WDR87: variants seen among roughly 807,000 people sequenced by gnomAD.
The protein encoded by WDR87 is WD repeat domain 87.
In WDR87, 56 loss-of-function variants were observed where a neutral mutation model predicts 83.3. The observed-to-expected ratio is 0.67, with a 90% CI of 0.54 to 0.84. The LOEUF is 0.84. Among genes scored for constraint, WDR87 ranks in the 40% least tolerant of loss-of-function variants. The pLI is 0.00. For synonymous variants in WDR87, 1,173 were observed against 1,250.6 expected (o/e 0.94, Z 1.31); for missense variants, 2,939 against 3,431.9 (o/e 0.86, Z 3.59).
At chr19:37,906,318 T>C (rs2046328452) in intron 1 of WDR87, among the ~76,000 whole-genome samples, 181 bp downstream of exon 1, 1 of 152,142 alleles carries the variant, frequency 6.6e-6, no homozygotes, top group Admixed American at 6.5e-5. Context: ...AACAAAAGAA[T>C]GCAAGATAAC....
rs1247419626 is a variant in WDR87, at chr19:37,885,100, A to C, written c.8571T>G (p.Pro2857=). The change falls in exon 6 of 6, where the codon CCT becomes CCG. Residue 2857 remains proline (P), a synonymous_variant. Transcript: ENST00000447313. ...GGGGTACCGCACCCTGGAACTCCTG[A>C]GGACTTCTAGGAGTATGAGAACTGC... ...FCGSSHTPRS[P]QEFQGAVPLP... 1 of 1,462,422 alleles carries C rather than the reference A, an allele frequency of 6.8e-7. No homozygotes were observed. The highest frequency in any genetic ancestry group is 9.0e-7 in the Non-Finnish European group (1 of 1,107,046). The allele number at this position is 1,462,422 out of a possible 1,614,324, so 90.6% of individuals were successfully genotyped here.
Position 37,888,091 on chromosome 19 carries a change from G to A in WDR87, c.5580C>T (p.Asn1860=), listed in dbSNP as rs1207179044. 14 of 1,551,674 alleles carry A rather than the reference G, an allele frequency of 9.0e-6. No individual in the cohort carries two copies. The highest frequency in any genetic ancestry group is 1.2e-5 in the Non-Finnish European group (14 of 1,147,058). The change falls in exon 6 of 6, where the codon AAC becomes AAT. Residue 1860 remains asparagine, a synonymous_variant. Transcript: ENST00000447313. ...KLAQKRERWI[N]SMEELTKNKM... is the part of the protein sequence containing the mutation. ...TGTTCTTTGTGAGTTCTTCCATGCT[G>A]TTGATCCATCTTTCCCTTTTTTGGG... is the stretch of plus-strand genomic sequence containing the variant.
rs569630275 is a variant in WDR87 at position 37,894,119 on chromosome 19, A to G, written c.1584T>C (p.Tyr528=). ...GGQGNSLLCS[Y]GMDDYVHLSE... is the part of the protein sequence containing the mutation. Reference sequence around the variant, plus strand: ...ACAGGTGCACATAGTCATCCATTCCATAGGAACAGAGCAGAGAGTTTCCTT... The same window carrying G: ...ACAGGTGCACATAGTCATCCATTCCGTAGGAACAGAGCAGAGAGTTTCCTT... The change falls in exon 4 of 6, where the codon TAT becomes TAC. Residue 528 remains tyrosine, a synonymous_variant. Coordinates refer to ENST00000447313, the MANE Select transcript of WDR87 (RefSeq NM_001291088.2). 1.3e-6 allele frequency: 2 copies of G among 1,552,342 alleles called. No individual in the cohort carries two copies. The highest frequency in any genetic ancestry group is 2.0e-5 in the Admixed American group (1 of 51,010).
At position 37,886,155 on chromosome 19, in the gene WDR87, T is replaced by C; in HGVS notation, c.7516A>G (p.Met2506Val). The C allele has an allele frequency of 6.4e-7, 1 of 1,551,740 alleles. No homozygotes were observed. Among genetic ancestry groups the C allele is most frequent in the Non-Finnish European group, 8.7e-7 (1 of 1,146,998 alleles). ...ACGGTCCTCCTTAATATGTGGGACA[T>C]AAATGGGGTCTTTAAGTCCTGTGCT... is the stretch of plus-strand genomic sequence containing the variant. ...SQAQDLKTPF[M>V]SHILRRTVEA... Residue 2506 changes from methionine (M) to valine (V), a missense_variant, in exon 6 of 6, where the codon ATG (methionine) becomes GTG (valine). By Grantham distance (21) the Met-to-Val change is conservative (BLOSUM62 1). Coordinates refer to ENST00000447313, the MANE Select transcript of WDR87 (RefSeq NM_001291088.2).
chr19:37,888,336 C>T lies in WDR87; in HGVS notation c.5335G>A (p.Gly1779Arg), dbSNP rs866020388. 6.4e-7 allele frequency: 1 copy of T among 1,551,736 alleles called. No homozygotes were observed. Among genetic ancestry groups the T allele is most frequent in the South Asian group, 1.2e-5 (1 of 84,036 alleles). The change falls in exon 6 of 6, where the codon GGG (glycine) becomes AGG (arginine). Residue 1779 changes from glycine to arginine, a missense_variant. Physicochemically the swap from Gly to Arg is moderately radical, Grantham distance 125. Transcript: ENST00000447313. ...TTCTTCTTTTCCTCAACCAGTTTCCCCTCTTCCTGATTCAGTTCCTCTTCT... is the reference window on the plus strand; with the variant it reads ...TTCTTCTTTTCCTCAACCAGTTTCCTCTCTTCCTGATTCAGTTCCTCTTCT... ...WKEEELNQEEGKLVEEKKKLA... is the reference protein window; with the variant it reads ...WKEEELNQEERKLVEEKKKLA...
chr19:37,885,496 C>G lies in WDR87; in HGVS notation c.8175G>C (p.Leu2725=). The G allele has an allele frequency of 1.3e-6, 2 of 1,551,532 alleles. No individual in the cohort carries two copies. Among genetic ancestry groups the G allele is most frequent in the Non-Finnish European group, 8.7e-7 (1 of 1,146,986 alleles). ...SAHASVEKQT[L]ALMFQKDFWD... is the part of the protein sequence containing the mutation. ...AGAAGTCCTTTTGAAACATCAGTGC[C>G]AGGGTTTGTTTTTCCACAGAGGCAT... The change falls in exon 6 of 6, where the codon CTG becomes CTC. Residue 2725 remains leucine, a synonymous_variant. Coordinates refer to ENST00000447313, the MANE Select transcript of WDR87 (RefSeq NM_001291088.2).
Position 37,892,801 on chromosome 19 carries a change from C to A in WDR87, c.2902G>T (p.Asp968Tyr). ...ATCAGCGGGTTGGAATTGGTTGTAT[C>A]ATTCAGTAGCCGACGGGCTGTCTCA... ...RSETARRLLN[D>Y]TTNSNPLIRE... The change falls in exon 4 of 6, where the codon GAT becomes TAT. Residue 968 changes from aspartate (D) to tyrosine (Y), a missense_variant. By Grantham distance (160) the Asp-to-Tyr change is radical. This residue lies in a region of WDR87 where 2,160 missense variants were observed against 2,533.1 expected (regional missense o/e 0.85). Coordinates refer to ENST00000447313, the MANE Select transcript of WDR87 (RefSeq NM_001291088.2). The A allele has an allele frequency of 6.4e-7, 1 of 1,551,748 alleles. No homozygotes were observed. Among genetic ancestry groups the A allele is most frequent in the South Asian group, 1.2e-5 (1 of 84,054 alleles).
rs1270044641 is a variant in WDR87 at position 37,896,316 on chromosome 19, G to T, written c.76-8C>A. 1 of 1,551,164 alleles carries T rather than the reference G, an allele frequency of 6.4e-7. No homozygotes were observed. The highest frequency in any genetic ancestry group is 2.4e-5 in the East Asian group (1 of 40,904). ...TGGGTCTTCCGAAGGTTGCTGGAGAGAGGCGTGGCATAAACTAAGAGGCCA... is the reference window on the plus strand; with the variant it reads ...TGGGTCTTCCGAAGGTTGCTGGAGATAGGCGTGGCATAAACTAAGAGGCCA... On this transcript the variant is annotated splice_polypyrimidine_tract_variant and splice_region_variant and intron_variant, in intron 2 of 5. Transcript: ENST00000447313.
rs1394367748 is a variant in WDR87, at chr19:37,891,587, C to CCTCGT, written c.3358_3359insACGAG (p.Gly1120AspfsTer33). 30 of 1,552,028 alleles carry CCTCGT rather than the reference C, an allele frequency of 1.9e-5. No homozygotes were observed. The highest frequency in any genetic ancestry group is 2.6e-5 in the Non-Finnish European group (30 of 1,147,098). On this transcript the variant is annotated frameshift_variant, in exon 5 of 6. Coordinates refer to ENST00000447313, the MANE Select transcript of WDR87 (RefSeq NM_001291088.2). LOFTEE classifies it low-confidence loss of function (END_TRUNC). ...GACCCCTGCTTGGCCTCGTCTTTGG[C>CCTCGT]CTTTGCTGGGCTTGATGGCCACTTC...
At position 37,886,782 on chromosome 19, in the gene WDR87, C is replaced by T. The variant is rs1429990083; in HGVS notation, c.6889G>A (p.Glu2297Lys). ...EEEREEEEER[E>K]EEEEREEEEE... ...TCCTCCTCCCTTTCCTCCTCCTCCT[C>T]CCTTTCCTCTTCTTCCTCCCTTTCC... Residue 2297 changes from glutamate to lysine, a missense_variant, in exon 6 of 6, where the codon GAG becomes AAG. Physicochemically the swap from Glu to Lys is moderately conservative, Grantham distance 56. Around this residue, in one of 3 missense-constraint regions of WDR87, gnomAD observed 2,160 missense variants for 2,533.1 expected, o/e 0.85. Coordinates refer to ENST00000447313, the MANE Select transcript of WDR87 (RefSeq NM_001291088.2). 1.3e-6 allele frequency: 2 copies of T among 1,539,966 alleles called. No individual in the cohort carries two copies. The highest frequency in any genetic ancestry group is 1.8e-6 in the Non-Finnish European group (2 of 1,141,084).
intron 1 of WDR87, among the ~76,000 whole-genome samples, chr19:37,900,464 G>A (rs1350086715): frequency 1.3e-5 from 2 of 151,234 alleles, no homozygotes; most frequent in Non-Finnish European, 2.9e-5. Context: ...GGGAGGCTGA[G>A]GCAGGAGAAT....
intron 1 of WDR87, among the ~76,000 whole-genome samples, chr19:37,904,982 A>G (rs2046314875): frequency 6.6e-6 from 1 of 152,176 alleles, no homozygotes; most frequent in Non-Finnish European, 1.5e-5. Context: ...CACGCCTGTA[A>G]TCCCAGCATT....
In WDR87 at chr19:37,885,329, C is replaced by A; in HGVS notation, c.8342G>T (p.Arg2781Leu). ...CCAAGCAGTGCTGTCTTTTGGATAT[C>A]GCTGCTGCAGCATCCGCAAAACATG... ...LYHVLRMLQQ[R>L]YPKDSTAWME... The change falls in exon 6 of 6, where the codon CGA becomes CTA. Residue 2781 changes from arginine (R) to leucine (L), a missense_variant. Arg to Leu is a moderately radical substitution (Grantham distance 102). Around this residue, in one of 3 missense-constraint regions of WDR87, gnomAD observed 2,160 missense variants for 2,533.1 expected, o/e 0.85. Transcript: ENST00000447313. The A allele has an allele frequency of 6.4e-7, 1 of 1,551,506 alleles. No homozygotes were observed. Among genetic ancestry groups the A allele is most frequent in the South Asian group, 1.2e-5 (1 of 84,010 alleles).
chr19:37,886,087 C>T lies in WDR87; in HGVS notation c.7584G>A (p.Trp2528Ter), dbSNP rs181246415. 1 of 1,551,740 alleles carries T rather than the reference C, an allele frequency of 6.4e-7. No homozygotes were observed. Among genetic ancestry groups the T allele is most frequent in the Non-Finnish European group, 8.7e-7 (1 of 1,147,002 alleles). Residue 2528 changes from tryptophan to a stop codon, truncating the protein, a stop_gained, in exon 6 of 6, where the codon TGG (tryptophan) becomes TGA (stop). Transcript: ENST00000447313. LOFTEE classifies it low-confidence loss of function (END_TRUNC). ...GAGGTGGATGCTGCAAAAACCACTT[C>T]CACCAGGCACCTAGTGGTTTGTGTT... ...ELQHKPLGAWWKWFLQHPPLM... is the reference protein window; with the variant it reads ...ELQHKPLGAW
At chr19:37,901,139 A>T (rs1000948697) in intron 1 of WDR87, among the ~76,000 whole-genome samples, 1 of 143,120 alleles carries the variant, frequency 7.0e-6, no homozygotes. Context: ...ATCCTGTCTT[A>T]AAAAAAAAAA....
chr19:37,892,406 G>A (rs969479679), intron 4 of WDR87, among the ~76,000 whole-genome samples, 172 bp downstream of exon 4: 1 of 152,080 alleles, frequency 6.6e-6, no homozygotes, highest in Non-Finnish European at 1.5e-5. Flanking sequence ...AAGAGGAGGA[G>A]GAAGAGGAGT....
Position 37,892,749 on chromosome 19 carries a change from T to C in WDR87, c.2954A>G (p.Lys985Arg). Residue 985 changes from lysine (K) to arginine (R), a missense_variant, in exon 4 of 6, where the codon AAG becomes AGG. Physicochemically the swap from Lys to Arg is conservative, Grantham distance 26. Around this residue, in one of 3 missense-constraint regions of WDR87, gnomAD observed 2,160 missense variants for 2,533.1 expected, o/e 0.85. Coordinates refer to ENST00000447313, the MANE Select transcript of WDR87 (RefSeq NM_001291088.2). ...AAGATGAGTAATCATTCCTAGACGC[T>C]TCAGCCCTTCCCAAGCTAGTTCTCG... ...LIRELAWEGL[K>R]RLGMITHLFA... 6.4e-7 allele frequency: 1 copy of C among 1,551,726 alleles called. No individual in the cohort carries two copies. The highest frequency in any genetic ancestry group is 8.7e-7 in the Non-Finnish European group (1 of 1,146,996).
In WDR87 at chr19:37,885,583, A is replaced by C; in HGVS notation, c.8088T>G (p.Ala2696=). The C allele has an allele frequency of 6.4e-7, 1 of 1,551,704 alleles. No homozygotes were observed. Among genetic ancestry groups the C allele is most frequent in the Non-Finnish European group, 8.7e-7 (1 of 1,147,004 alleles). Residue 2696 remains alanine, a synonymous_variant, in exon 6 of 6, where the codon GCT becomes GCG. Coordinates refer to ENST00000447313, the MANE Select transcript of WDR87 (RefSeq NM_001291088.2). The stretch of plus-strand genomic sequence containing the variant: ...AGTATTGCATTTCCATCTCCTTGTG[A>C]GCAATGGATATCTGCTGTGCCCTCT... The part of the protein sequence containing the change: ...RSERAQQISI[A]HKEMEMQYFY...
chr19:37,894,524 G>T lies in WDR87; in HGVS notation c.1179C>A (p.Ser393=). 6 of 1,551,606 alleles carry T rather than the reference G, an allele frequency of 3.9e-6. No individual in the cohort carries two copies. Among genetic ancestry groups the T allele is most frequent in the Non-Finnish European group, 5.2e-6 (6 of 1,146,980 alleles). The change falls in exon 4 of 6, where the codon TCC becomes TCA. Residue 393 remains serine (S), a synonymous_variant. Transcript: ENST00000447313. Reference sequence around the variant, plus strand: ...TAACCAGAAGGTCCCCTGTTACTGGGGACACAAAGCGCAACAAGCCATCCT... The same window carrying T: ...TAACCAGAAGGTCCCCTGTTACTGGTGACACAAAGCGCAACAAGCCATCCT... ...TTEDGLLRFV[S]PVTGDLLVIT... is the part of the protein sequence containing the mutation.
Sources: gnomAD v4.1 joint callset for allele counts (sites outside exome capture counted in the v4.1 genomes callset) on GRCh38, gnomAD v4.1.1 for gene constraint, gnomAD v4.1.1 regional missense constraint, MANE v1.5 for transcripts, NCBI Gene and HGNC (gene_info 2026-07-23, HGNC 2026-07-21) for gene names.